Variants in GBF1 observed in about 807,000 individuals in gnomAD.
The protein encoded by GBF1 is golgi brefeldin A resistant guanine nucleotide exchange factor 1.
GBF1 carries 114 observed loss-of-function variants against 210.5 expected under a neutral mutation model. That is an observed-to-expected ratio of 0.54 (90% CI 0.47 to 0.63). The LOEUF (loss-of-function observed/expected upper bound fraction) is 0.63, where lower values mean the gene tolerates loss of function less well. GBF1 is among the 30% of genes least tolerant of loss of function. The pLI is 0.00. For missense variants in GBF1, 1,851 were observed against 2,357.7 expected (o/e 0.79, Z 4.45); for synonymous variants, 850 against 889.2 (o/e 0.96, Z 0.78).
At chr10:102,372,774 T>C (rs1466754973) in intron 29 of GBF1, among the ~76,000 whole-genome samples, 1 of 152,016 alleles carries the variant, frequency 6.6e-6, no homozygotes, top group East Asian at 1.9e-4. Flanking sequence ...GAAAATTAAC[T>C]CCAATGGATC....
At chr10:102,334,251 G>C (rs1418583597) in intron 3 of GBF1, among the ~76,000 whole-genome samples, 1 of 152,178 alleles carries the variant, frequency 6.6e-6, no homozygotes, top group Admixed American at 6.6e-5. Flanking sequence ...CCTTGTCAGC[G>C]TAATCCAATT....
At chr10:102,299,718 GGGTT>G (rs928098469) in intron 3 of GBF1, among the ~76,000 whole-genome samples, 8 of 152,050 alleles carry the variant, frequency 5.3e-5, no homozygotes, top group African/African-American at 1.9e-4. Flanking sequence ...GGAGGTGGAG[GGGTT>G]GTGGTGAGCC....
intron 1 of GBF1, among the ~76,000 whole-genome samples, chr10:102,248,507 G>C (rs150409733): frequency 6.6e-6 from 1 of 152,206 alleles, no homozygotes; most frequent in East Asian, 1.9e-4. Flanking sequence ...CAGGGGTTAC[G>C]AGCTCATGTG....
At position 102,370,773 on chromosome 10, in the gene GBF1, A is replaced by G. The variant is rs2060163439; in HGVS notation, c.3573A>G (p.Gln1191=). 2 of 1,614,112 alleles carry G rather than the reference A, an allele frequency of 1.2e-6. No homozygotes were observed. Among genetic ancestry groups the G allele is most frequent in the Non-Finnish European group, 8.5e-7 (1 of 1,179,956 alleles). The change falls in exon 29 of 40, where the codon CAA becomes CAG. Residue 1191 remains glutamine (Q), a synonymous_variant. Coordinates refer to ENST00000369983, the MANE Select transcript of GBF1 (RefSeq NM_001377137.1). ...DHLYHLCVQA[Q]DFCFLVERAV... Reference sequence around the variant, plus strand: ...TATACCACCTCTGTGTTCAGGCACAAGATTTCTGCTTCCTTGTGGAGCGGG... The same window carrying G: ...TATACCACCTCTGTGTTCAGGCACAGGATTTCTGCTTCCTTGTGGAGCGGG...
the GBF1 span, chr10:102,231,157 G>A: frequency 1.4e-6 from 2 of 1,448,970 alleles, no homozygotes; most frequent in Non-Finnish European, 9.0e-7. Flanking sequence ...AGCGGCTGAA[G>A]GGCGGGCCAC....
At chr10:102,331,494 C>T (rs1051840429) in intron 3 of GBF1, among the ~76,000 whole-genome samples, 12 of 151,608 alleles carry the variant, frequency 7.9e-5, no homozygotes, top group African/African-American at 2.9e-4. Context: ...TTAAAAAAAA[C>T]AGATTGGGGC....
intron 4 of GBF1, among the ~76,000 whole-genome samples, chr10:102,347,281 AGCAGGAATCCTGG>A (rs2058638637): frequency 6.6e-6 from 1 of 152,214 alleles, no homozygotes; most frequent in Admixed American, 6.5e-5. Flanking sequence ...CAGGATCCTG[AGCAGGAATCCTGG>A]GTACCAACTA....
At chr10:102,319,386 T>A (rs879758059) in intron 3 of GBF1, among the ~76,000 whole-genome samples, 6 of 151,790 alleles carry the variant, frequency 4.0e-5, no homozygotes, top group Non-Finnish European at 8.8e-5. Flanking sequence ...AAAAAAAAGA[T>A]CTTTAGTATT....
At chr10:102,367,339 C>T in intron 20 of GBF1, 129 bp downstream of exon 20, 1 of 1,198,632 alleles carries the variant, frequency 8.3e-7, no homozygotes, top group Non-Finnish European at 1.2e-6. Context: ...GGCTGGCCAA[C>T]CTAGAAAAGG....
In GBF1 at chr10:102,362,568, CA is replaced by C; in HGVS notation, c.1781del (p.Gln594ArgfsTer23). The C allele has an allele frequency of 6.2e-7, 1 of 1,614,086 alleles. No homozygotes were observed. The highest frequency in any genetic ancestry group is 8.5e-7 in the Non-Finnish European group (1 of 1,179,908). On this transcript the variant is annotated frameshift_variant, in exon 15 of 40. Transcript: ENST00000369983. LOFTEE classifies it high-confidence loss of function. Reference protein sequence around the residue: ...TVIDSTEAHCQAKVLNSLTQQ... With the variant: ...TVIDSTEAHCXAKVLNSLTQQ... ...GATTGACAGCACCGAGGCCCACTGC[CA>C]GGCTAAAGTCCTCAACAGCCTCACC...
intron 3 of GBF1, among the ~76,000 whole-genome samples, chr10:102,284,088 A>ACT (rs10647487): frequency 0.3 from 46,126 of 151,884 alleles, 7,822 homozygotes; most frequent in African/African-American, 0.46. Context: ...TGCACTATGG[A>ACT]CTGAGGTACC....
chr10:102,310,962 G>A (rs2078371115), intron 3 of GBF1, among the ~76,000 whole-genome samples: 1 of 152,208 alleles, frequency 6.6e-6, no homozygotes, highest in South Asian at 2.1e-4. Flanking sequence ...ATGATGGCCT[G>A]GGGACTCAGC....
the GBF1 span, among the ~76,000 whole-genome samples, chr10:102,232,410 C>T: frequency 6.6e-6 from 1 of 152,208 alleles, no homozygotes; most frequent in Non-Finnish European, 1.5e-5. Flanking sequence ...AGGCCGGGCG[C>T]AGTGGCTCAC....
At chr10:102,381,037 T>C in intron 38 of GBF1, 90 bp from the exon 39 acceptor site, 1 of 1,259,506 alleles carries the variant, frequency 7.9e-7, no homozygotes, top group Non-Finnish European at 1.1e-6. Context: ...GTCTGTGCCC[T>C]GGGTGGGTAG....
At chr10:102,280,087 G>T (rs188855316) in intron 3 of GBF1, among the ~76,000 whole-genome samples, 2 of 151,760 alleles carry the variant, frequency 1.3e-5, no homozygotes, top group African/African-American at 4.8e-5. Context: ...TGGCACCACT[G>T]CACTCTAGCC....
At chr10:102,305,448 A>G (rs796399745) in intron 3 of GBF1, among the ~76,000 whole-genome samples, 16 of 152,074 alleles carry the variant, frequency 1.1e-4, no homozygotes, top group African/African-American at 3.6e-4. Flanking sequence ...CCCCATAGTG[A>G]AAAATACAAA....
chr10:102,370,319 G>C (rs2060133410), intron 27 of GBF1, 65 bp from the exon 28 acceptor site: 8 of 1,473,040 alleles, frequency 5.4e-6, no homozygotes, highest in African/African-American at 1.4e-5. Flanking sequence ...TATTATTTCT[G>C]TCAGGGCAGG....
At chr10:102,322,576 C>A (rs1032979043) in intron 3 of GBF1, among the ~76,000 whole-genome samples, 3 of 151,866 alleles carry the variant, frequency 2.0e-5, no homozygotes, top group Non-Finnish European at 4.4e-5. Context: ...ATGCCCATGA[C>A]AAAATACTAG....
At chr10:102,306,750 A>T (rs11191253) in intron 3 of GBF1, among the ~76,000 whole-genome samples, 17,085 of 152,250 alleles carry the variant, frequency 0.11, 1,239 homozygotes, top group East Asian at 0.24. Flanking sequence ...ATAGTTACTG[A>T]TGTGGCCAAG....
Sources: allele counts gnomAD v4.1 joint callset (sites outside exome capture counted in the v4.1 genomes callset), GRCh38; gene constraint gnomAD v4.1.1; transcripts MANE v1.5; gene names NCBI Gene and HGNC (gene_info 2026-07-23, HGNC 2026-07-21).